The following NLN variants were observed in gnomAD, a reference collection of about 807,000 sequenced individuals.
The protein encoded by NLN is neurolysin, mitochondrial.
A neutral mutation model predicts 79.9 loss-of-function variants in NLN; 64 were observed. That is an observed-to-expected ratio of 0.80 (90% confidence interval 0.65 to 0.99). NLN has a LOEUF of 0.99. Among genes scored for constraint, NLN ranks in the 50% least tolerant of loss-of-function variants. NLN has a pLI of 0.00. For synonymous variants in NLN, 267 were observed against 296.6 expected, an observed-to-expected ratio of 0.90 and a Z score of 1.02; for missense variants, 835 against 858.7, an observed-to-expected ratio of 0.97 and a Z score of 0.34.
Position 65,781,301 on chromosome 5 carries a change from A to T in NLN, c.702A>T (p.Thr234=). The change falls in exon 6 of 13, where the codon ACA becomes ACT. Residue 234 remains threonine (T), a synonymous_variant. Transcript: ENST00000380985. The part of the protein sequence containing the change: ...PDDFIDSLEK[T]DDDKYKITLK... ...ATTTCATTGACAGTTTAGAAAAGAC[A>T]GATGATGACAAGTATAAAATTACCT... 1.2e-6 allele frequency: 2 copies of T among 1,608,736 alleles called. No individual in the cohort carries two copies. The highest frequency in any genetic ancestry group is 1.7e-6 in the Non-Finnish European group (2 of 1,175,670).
At chr5:65,820,331 G>C (rs1760764837) in intron 12 of NLN, among the ~76,000 whole-genome samples, 3 of 152,178 alleles carry the variant, frequency 2.0e-5, no homozygotes, top group Admixed American at 1.3e-4. Flanking sequence ...ATTGAGACTG[G>C]ATGATAGGTT....
At chr5:65,788,641 GC>G (rs1472053983) in intron 8 of NLN, among the ~76,000 whole-genome samples, 157 bp downstream of exon 8, 4 of 152,090 alleles carry the variant, frequency 2.6e-5, no homozygotes, top group African/African-American at 9.7e-5. Context: ...TTCGAGACCA[GC>G]CTGGGCAACA....
At chr5:65,724,947 G>A (rs1758430758) in intron 1 of NLN, among the ~76,000 whole-genome samples, 1 of 151,570 alleles carries the variant, frequency 6.6e-6, no homozygotes, top group East Asian at 1.9e-4. Flanking sequence ...GACTACAGGC[G>A]CCCGCAACCA....
intron 8 of NLN, among the ~76,000 whole-genome samples, chr5:65,790,047 T>C (rs1208166269): frequency 6.6e-6 from 1 of 152,222 alleles, no homozygotes; most frequent in Non-Finnish European, 1.5e-5. Context: ...TATAAAAATG[T>C]TATAATTGTG....
At chr5:65,808,588 G>A (rs1760474719) in intron 9 of NLN, among the ~76,000 whole-genome samples, 1 of 152,168 alleles carries the variant, frequency 6.6e-6, no homozygotes, top group African/African-American at 2.4e-5. Flanking sequence ...GTGAATCTCT[G>A]TTTTTCTACT....
intron 3 of NLN, among the ~76,000 whole-genome samples, chr5:65,763,450 C>T (rs1220746709): frequency 1.3e-5 from 2 of 152,084 alleles, no homozygotes; most frequent in Non-Finnish European, 2.9e-5. Context: ...GTAAATATCT[C>T]GTGGTTTTGG....
intron 12 of NLN, among the ~76,000 whole-genome samples, chr5:65,818,192 G>A (rs1253155492): frequency 6.6e-6 from 1 of 151,998 alleles, no homozygotes; most frequent in Non-Finnish European, 1.5e-5. Context: ...TTTGCTCTTA[G>A]TACCCCAATA....
chr5:65,768,876 T>G (rs1205786758), intron 3 of NLN, among the ~76,000 whole-genome samples: 2 of 152,218 alleles, frequency 1.3e-5, no homozygotes, highest in Non-Finnish European at 2.9e-5. Context: ...TCATTTAACC[T>G]TAATTACCTG....
intron 9 of NLN, among the ~76,000 whole-genome samples, chr5:65,800,243 C>T (rs576876400): frequency 2.6e-4 from 40 of 152,268 alleles, no homozygotes; most frequent in Middle Eastern, 3.4e-3. Flanking sequence ...ATAGGACTTC[C>T]GAAGCTTCAA....
At chr5:65,741,513 A>G (rs1758868568) in intron 1 of NLN, among the ~76,000 whole-genome samples, 1 of 152,194 alleles carries the variant, frequency 6.6e-6, no homozygotes, top group Non-Finnish European at 1.5e-5. Context: ...ACAACAAAAT[A>G]TTTATGTGTA....
intron 1 of NLN, among the ~76,000 whole-genome samples, chr5:65,726,180 A>C (rs1758466231): frequency 6.6e-6 from 1 of 152,204 alleles, no homozygotes; most frequent in Non-Finnish European, 1.5e-5. Flanking sequence ...AACCAATTGC[A>C]AAAGTGCTTT....
intron 12 of NLN, among the ~76,000 whole-genome samples, chr5:65,821,165 G>A (rs1481808479): frequency 6.6e-6 from 1 of 152,194 alleles, no homozygotes; most frequent in East Asian, 1.9e-4. Context: ...TCGTCGTCAG[G>A]TTTGGGAAGT....
intron 1 of NLN, among the ~76,000 whole-genome samples, chr5:65,744,472 C>CT (rs199944194): frequency 0.016 from 2,184 of 139,542 alleles, 32 homozygotes; most frequent in African/African-American, 0.037. Context: ...TCTCTCTCCC[C>CT]TTTTTTTTTT....
At chr5:65,796,871 A>T (rs936662891) in intron 9 of NLN, among the ~76,000 whole-genome samples, 1 of 152,236 alleles carries the variant, frequency 6.6e-6, no homozygotes, top group Non-Finnish European at 1.5e-5. Flanking sequence ...TGGTTTTAAG[A>T]AATGGCAGCT....
intron 1 of NLN, among the ~76,000 whole-genome samples, chr5:65,740,678 C>T (rs990905907): frequency 2.6e-5 from 4 of 151,814 alleles, no homozygotes; most frequent in African/African-American, 4.8e-5. Context: ...ACTGTCTTTT[C>T]GTGTGTTCCT....
intron 2 of NLN, among the ~76,000 whole-genome samples, chr5:65,759,344 A>T (rs1265847289): frequency 6.6e-6 from 1 of 151,950 alleles, no homozygotes; most frequent in Non-Finnish European, 1.5e-5. Flanking sequence ...AAATTTTATC[A>T]ATGGTTTTGT....
intron 3 of NLN, among the ~76,000 whole-genome samples, chr5:65,773,124 T>G (rs1759605566): frequency 1.6e-5 from 2 of 127,626 alleles, no homozygotes; most frequent in South Asian, 5.1e-4. Context: ...AGCCCTGAAT[T>G]CTATTTTTTT....
chr5:65,820,525 GT>G (rs2150779064), intron 12 of NLN, among the ~76,000 whole-genome samples: 1 of 152,212 alleles, frequency 6.6e-6, no homozygotes, highest in African/African-American at 2.4e-5. Flanking sequence ...TTTAACACTA[GT>G]CAAATTTTGG....
At chr5:65,738,026 G>A (rs1335310261) in intron 1 of NLN, among the ~76,000 whole-genome samples, 1 of 151,976 alleles carries the variant, frequency 6.6e-6, no homozygotes, top group Admixed American at 6.6e-5. Flanking sequence ...TACTTGGGAA[G>A]CTGAGGTAGG....
Sources: allele counts gnomAD v4.1 joint callset (sites outside exome capture counted in the v4.1 genomes callset), GRCh38; gene constraint gnomAD v4.1.1; transcripts MANE v1.5; gene names NCBI Gene and HGNC (gene_info 2026-07-23, HGNC 2026-07-21).